SFMBT1: variants seen among roughly 807,000 people sequenced by gnomAD.
The protein encoded by SFMBT1 is scm-like with four MBT domains protein 1.
Under a neutral mutation model 108.7 loss-of-function variants are expected in SFMBT1, and 32 were observed. The ratio of observed to expected loss-of-function variants is 0.29; its 90% CI spans 0.22 to 0.40. SFMBT1 has a LOEUF of 0.40. Among genes scored for constraint, SFMBT1 ranks in the 10% least tolerant of loss-of-function variants. SFMBT1 has a pLI of 1.00. For synonymous variants in SFMBT1, 348 were observed against 369.5 expected (o/e 0.94, Z 0.67); for missense variants, 816 against 1,059.6 (o/e 0.77, Z 3.19).
chr3:52,978,982 T>C (rs1337316382), intron 1 of SFMBT1, among the ~76,000 whole-genome samples: 5 of 152,266 alleles, frequency 3.3e-5, no homozygotes, highest in African/African-American at 1.2e-4. Context: ...ACTACTAATA[T>C]GTACAGGGTT....
At position 52,926,097 on chromosome 3, in the gene SFMBT1, G is replaced by A. The variant is rs768658038; in HGVS notation, c.1065C>T (p.Asp355=). The A allele has an allele frequency of 6.2e-7, 1 of 1,604,760 alleles. No homozygotes were observed. Among genetic ancestry groups the A allele is most frequent in the South Asian group, 1.1e-5 (1 of 89,938 alleles). ...GTTTGAGGTAGTCAGCCCAGTCAAA[G>A]TCCTGGCTTGGGTAGCCTAGGTGGG... ...ISPPPGYPSQ[D]FDWADYLKQC... Residue 355 remains aspartate, a synonymous_variant, in exon 10 of 21, where the codon GAC becomes GAT. Transcript: ENST00000394752.
chr3:52,991,803 A>G (rs1406016673), intron 1 of SFMBT1, among the ~76,000 whole-genome samples: 1 of 152,138 alleles, frequency 6.6e-6, no homozygotes, highest in African/African-American at 2.4e-5. Flanking sequence ...TGCACCATCA[A>G]TGAGGAATGG....
At chr3:52,934,320 A>G (rs1702941122) in intron 5 of SFMBT1, among the ~76,000 whole-genome samples, 1 of 152,128 alleles carries the variant, frequency 6.6e-6, no homozygotes, top group African/African-American at 2.4e-5. Context: ...TCCATTTCAC[A>G]AAATCAAGAG....
At chr3:53,038,057 T>C (rs890238765) in intron 1 of SFMBT1, among the ~76,000 whole-genome samples, 15 of 152,012 alleles carry the variant, frequency 9.9e-5, no homozygotes, top group African/African-American at 3.4e-4. Flanking sequence ...GTGGCCAAGA[T>C]TGCACCGCTG....
Position 52,913,471 on chromosome 3 carries a change from A to G in SFMBT1, c.1620+7T>C. On this transcript the variant is annotated splice_region_variant and intron_variant, in intron 15 of 20. Transcript: ENST00000394752. Reference sequence around the variant, plus strand: ...CCAAGTTATTTTGCTCTAGGCCAGAACCTTACCTCTCTAAGGACCAGAACA... The same window carrying G: ...CCAAGTTATTTTGCTCTAGGCCAGAGCCTTACCTCTCTAAGGACCAGAACA... The G allele has an allele frequency of 1.2e-6, 2 of 1,611,146 alleles. No homozygotes were observed. The highest frequency in any genetic ancestry group is 8.5e-7 in the Non-Finnish European group (1 of 1,179,244).
chr3:52,948,825 A>ATTTTTTGTTTTTTTTTTTTTTT (rs1703468897), intron 3 of SFMBT1, among the ~76,000 whole-genome samples: 1 of 78,284 alleles, frequency 1.3e-5, no homozygotes, highest in Non-Finnish European at 2.4e-5. Context: ...CTAATTTTTA[A>ATTTTTTGTTTTTTTTTTTTTTT]TTTTTTTTTT....
intron 4 of SFMBT1, among the ~76,000 whole-genome samples, 187 bp from the exon 5 acceptor site, chr3:52,935,088 C>A (rs1389415928): frequency 6.6e-6 from 1 of 152,168 alleles, no homozygotes. Context: ...GAGCTACTTT[C>A]TGGTTAGTTT....
intron 3 of SFMBT1, among the ~76,000 whole-genome samples, chr3:52,953,983 G>T (rs1703685037): frequency 6.6e-6 from 1 of 152,104 alleles, no homozygotes; most frequent in African/African-American, 2.4e-5. Flanking sequence ...AAAATAGCCG[G>T]GCGTGGTGGC....
rs1702028361 is a variant in SFMBT1 at position 52,904,964 on chromosome 3, GCA to G, written c.*170_*171del. The G allele has an allele frequency of 2.9e-6, 2 of 699,990 alleles. No individual in the cohort carries two copies. The highest frequency in any genetic ancestry group is 2.4e-5 in the South Asian group (1 of 41,996). The allele number at this position is 699,990 out of a possible 1,614,324, so 43.4% of individuals were successfully genotyped here. A position where few individuals can be genotyped will look rare whatever the true frequency, so the allele number is the denominator to read the frequency against. ...CCACCAGCAGGTGATCCACTTCTGT[GCA>G]CAGTTTTTGCTTCCTCACTGTGAGT... On this transcript the variant is annotated 3_prime_UTR_variant, in exon 21 of 21. Transcript: ENST00000394752.
intron 1 of SFMBT1, among the ~76,000 whole-genome samples, chr3:53,028,519 T>G (rs1180564677): frequency 6.6e-6 from 1 of 152,176 alleles, no homozygotes; most frequent in Non-Finnish European, 1.5e-5. Flanking sequence ...AACTACTTAC[T>G]AGCTGGGCAT....
At chr3:53,021,733 C>A (rs1437398715) in intron 1 of SFMBT1, among the ~76,000 whole-genome samples, 1 of 152,118 alleles carries the variant, frequency 6.6e-6, no homozygotes, top group Non-Finnish European at 1.5e-5. Context: ...CCAACCCAGC[C>A]CCTTTCTATG....
chr3:52,981,924 G>A (rs1000162535), intron 1 of SFMBT1, among the ~76,000 whole-genome samples: 4 of 152,130 alleles, frequency 2.6e-5, no homozygotes, highest in African/African-American at 9.7e-5. Flanking sequence ...TGGACAAAAA[G>A]AACCCTTTTT....
intron 5 of SFMBT1, among the ~76,000 whole-genome samples, chr3:52,932,973 AAAAAATCAAAC>A (rs1702900412): frequency 6.6e-6 from 1 of 152,172 alleles, no homozygotes; most frequent in Admixed American, 6.5e-5. Context: ...CATTAAAGAG[AAAAAATCAAAC>A]AAAAGTCAAA....
intron 2 of SFMBT1, among the ~76,000 whole-genome samples, chr3:52,956,278 G>A (rs1703780168): frequency 6.6e-6 from 1 of 152,126 alleles, no homozygotes; most frequent in Admixed American, 6.6e-5. Context: ...TGGCCAATGT[G>A]GTGAAACCCC....
chr3:53,027,819 G>GCCATTGTTTCTTCCCCCTGTTCTTTAAC (rs1699547010), intron 1 of SFMBT1, among the ~76,000 whole-genome samples: 2 of 152,178 alleles, frequency 1.3e-5, no homozygotes, highest in South Asian at 4.1e-4. Flanking sequence ...ATGCCTTTAA[G>GCCATTGTTTCTTCCCCCTGTTCTTTAAC]CCATTGTTTC....
At chr3:52,942,495 A>G (rs1404031444) in intron 4 of SFMBT1, among the ~76,000 whole-genome samples, 6 of 152,218 alleles carry the variant, frequency 3.9e-5, no homozygotes, top group Non-Finnish European at 7.3e-5. Flanking sequence ...AGAAGTTAAA[A>G]GAAAAATACC....
At chr3:52,934,016 A>G (rs541379269) in intron 5 of SFMBT1, among the ~76,000 whole-genome samples, 1 of 152,338 alleles carries the variant, frequency 6.6e-6, no homozygotes, top group African/African-American at 2.4e-5. Flanking sequence ...CTCAATAATA[A>G]AAAGACAACC....
At chr3:52,928,671 TAC>T (rs1301624750) in intron 8 of SFMBT1, among the ~76,000 whole-genome samples, 3 of 138,374 alleles carry the variant, frequency 2.2e-5, no homozygotes, top group Non-Finnish European at 3.2e-5. Flanking sequence ...TATACATATA[TAC>T]ACACACACAC....
intron 2 of SFMBT1, among the ~76,000 whole-genome samples, chr3:52,962,881 A>G (rs989402163): frequency 4.0e-5 from 6 of 151,862 alleles, no homozygotes; most frequent in African/African-American, 1.5e-4. Context: ...ATATTAGTTT[A>G]TATTTTTAAA....
Sources: allele counts gnomAD v4.1 joint callset (sites outside exome capture counted in the v4.1 genomes callset), GRCh38; gene constraint gnomAD v4.1.1; transcripts MANE v1.5; gene names NCBI Gene and HGNC (gene_info 2026-07-23, HGNC 2026-07-21).